Variants in ASRGL1 observed in about 807,000 individuals in gnomAD.
ASRGL1 encodes isoaspartyl peptidase/L-asparaginase.
Under a neutral mutation model 22.4 loss-of-function variants are expected in ASRGL1, and 16 were observed. The observed-to-expected ratio is 0.71, with a 90% CI of 0.48 to 1.08. ASRGL1 has a LOEUF of 1.08. Among genes scored for constraint, ASRGL1 ranks in the 50% least tolerant of loss-of-function variants. ASRGL1 has a pLI of 0.00. For missense variants in ASRGL1, 412 were observed against 410.1 expected (o/e 1.00, Z -0.04); for synonymous variants, 165 against 159.3 (o/e 1.04, Z -0.27).
chr11:62,354,323 T>TGG (rs1946229131), intron 2 of ASRGL1, among the ~76,000 whole-genome samples: 2 of 152,210 alleles, frequency 1.3e-5, no homozygotes, highest in Admixed American at 6.5e-5. Flanking sequence ...CCGTTATCTA[T>TGG]GGGGGATGTG....
In ASRGL1 at chr11:62,366,943, G is replaced by A. The variant is rs183881713; in HGVS notation, c.491+9799G>A. 3.8e-3 allele frequency among the ~76,000 whole-genome samples: 585 copies of A among 152,272 alleles called. 7 individuals carry two copies. Among genetic ancestry groups the A allele is most frequent in the African/African-American group, 0.013 (538 of 41,546 alleles). ...TTTAGGGCCAGGCACGGTGCCTCAC[G>A]CCTGTAATCCCAGCAGCTTGGGAGG... On this transcript the variant is annotated intron_variant, in intron 4 of 6. Transcript: ENST00000415229.
In ASRGL1 at chr11:62,337,907, G is replaced by T. The variant is rs1307938367; in HGVS notation, c.-71G>T. On this transcript the variant is annotated 5_prime_UTR_variant, in exon 2 of 7. Coordinates refer to ENST00000415229, the MANE Select transcript of ASRGL1 (RefSeq NM_001083926.2). Reference sequence around the variant, plus strand: ...CCCCACAGGGTCTCCCGAGGACCTTGTACCCGCGCGGCTTCCTTGGGCTGG... The same window carrying T: ...CCCCACAGGGTCTCCCGAGGACCTTTTACCCGCGCGGCTTCCTTGGGCTGG... The T allele has an allele frequency of 2.7e-6, 4 of 1,506,662 alleles. No homozygotes were observed. Among genetic ancestry groups the T allele is most frequent in the East Asian group, 4.9e-5 (2 of 40,970 alleles). 93.3% of individuals were successfully genotyped at this position (1,506,662 alleles called of 1,614,324 possible). A position where few individuals can be genotyped will look rare whatever the true frequency, so the allele number is the denominator to read the frequency against.
intron 2 of ASRGL1, among the ~76,000 whole-genome samples, chr11:62,347,849 C>G (rs1354740172): frequency 6.6e-6 from 1 of 152,124 alleles, no homozygotes; most frequent in South Asian, 2.1e-4. Flanking sequence ...ATTGCTTGAA[C>G]CCAGGAGGCA....
At chr11:62,397,307 C>A (rs1947442565), downstream of ASRGL1, among the ~76,000 whole-genome samples, 1 of 151,640 alleles carries the variant, frequency 6.6e-6, no homozygotes, top group South Asian at 2.1e-4. Flanking sequence ...GGATTACAGG[C>A]GTGAGCCACC....
At chr11:62,366,624 T>C (rs1245906415) in intron 4 of ASRGL1, among the ~76,000 whole-genome samples, 3 of 151,668 alleles carry the variant, frequency 2.0e-5, no homozygotes, top group African/African-American at 7.2e-5. Flanking sequence ...CATTTTTTCC[T>C]TTGAATTATT....
intron 2 of ASRGL1, among the ~76,000 whole-genome samples, chr11:62,347,236 A>C (rs981270946): frequency 6.6e-6 from 1 of 152,230 alleles, no homozygotes; most frequent in Non-Finnish European, 1.5e-5. Context: ...TATAGTCCTC[A>C]GTAAGATTTC....
At chr11:62,386,157 A>T (rs539411502) in intron 4 of ASRGL1, among the ~76,000 whole-genome samples, 46 of 152,324 alleles carry the variant, frequency 3.0e-4, no homozygotes, top group Admixed American at 2.7e-3. Context: ...GTGAGACTCC[A>T]TCTCAAAAAT....
intron 2 of ASRGL1, among the ~76,000 whole-genome samples, chr11:62,343,128 A>G (rs1004371231): frequency 5.3e-5 from 8 of 152,158 alleles, no homozygotes; most frequent in African/African-American, 1.9e-4. Context: ...CTATAATCCC[A>G]GCACTTTGGG....
At chr11:62,362,891 A>ATTTTTTTTTTT (rs60507577) in intron 4 of ASRGL1, among the ~76,000 whole-genome samples, 4 of 50,366 alleles carry the variant, frequency 7.9e-5, no homozygotes, top group Non-Finnish European at 9.9e-5. Flanking sequence ...AAAGGATTTA[A>ATTTTTTTTTTT]TTTTTTTTTT....
chr11:62,357,076 A>G lies in ASRGL1; in HGVS notation c.423A>G (p.Thr141=). The stretch of plus-strand genomic sequence containing the variant: ...AGATTCCTGGAGAAAAACTGGTGAC[A>G]GAGAGAAACAAAAAGCGCCTGGAAA... The part of the protein sequence containing the change: ...VPEIPGEKLV[T]ERNKKRLEKE... Residue 141 remains threonine, a synonymous_variant, in exon 4 of 7, where the codon ACA becomes ACG. Transcript: ENST00000415229. The G allele has an allele frequency of 6.2e-7, 1 of 1,614,178 alleles. No individual in the cohort carries two copies. The highest frequency in any genetic ancestry group is 8.5e-7 in the Non-Finnish European group (1 of 1,180,030).
At chr11:62,339,656 A>G (rs1027237280) in intron 2 of ASRGL1, among the ~76,000 whole-genome samples, 1 of 152,234 alleles carries the variant, frequency 6.6e-6, no homozygotes, top group Non-Finnish European at 1.5e-5. Context: ...AATGAACATT[A>G]AATGATTCAC....
intron 2 of ASRGL1, among the ~76,000 whole-genome samples, chr11:62,348,924 G>C (rs764657182): frequency 1.3e-5 from 2 of 151,848 alleles, no homozygotes; most frequent in East Asian, 3.9e-4. Flanking sequence ...ATTAGAATCA[G>C]GTTCCTCTTC....
rs143451834 is a variant in ASRGL1, at chr11:62,345,828, G to A, written c.190+7661G>A. 2.8e-3 allele frequency among the ~76,000 whole-genome samples: 425 copies of A among 152,284 alleles called. 2 individuals are homozygous for A. The highest frequency in any genetic ancestry group is 9.7e-3 in the African/African-American group (405 of 41,548). On this transcript the variant is annotated intron_variant, in intron 2 of 6. Transcript: ENST00000415229. ...TTCCACAGAGACTCTCGCAGGCACA[G>A]TTCACAACAGGGTTCACACTCCTAT... is the stretch of plus-strand genomic sequence containing the variant.
Position 62,357,273 on chromosome 11 carries a change from G to T in ASRGL1, c.491+129G>T, listed in dbSNP as rs5017020. The T allele has an allele frequency of 2.3e-3, 1,193 of 518,312 alleles. 14 individuals carry two copies. In the African/African-American group the frequency reaches 0.052, roughly 23 times the overall value. 32.1% of individuals were successfully genotyped at this position (518,312 alleles called of 1,614,324 possible). ...TGTTTTGTTTTGTTTTGTTTGACAC[G>T]GAGTCTCTCTCTGTTGCCCAGACTG... On this transcript the variant is annotated intron_variant, in intron 4 of 6. Coordinates refer to ENST00000415229, the MANE Select transcript of ASRGL1 (RefSeq NM_001083926.2).
At chr11:62,396,032 C>G (rs372507358), downstream of ASRGL1, among the ~76,000 whole-genome samples, 6 of 151,986 alleles carry the variant, frequency 3.9e-5, no homozygotes, top group Admixed American at 2.0e-4. Flanking sequence ...CCTCGGCCCC[C>G]CAAAGTGCTG....
At chr11:62,344,183 A>G (rs1487654602) in intron 2 of ASRGL1, among the ~76,000 whole-genome samples, 1 of 152,116 alleles carries the variant, frequency 6.6e-6, no homozygotes, top group Non-Finnish European at 1.5e-5. Context: ...GGTGTGAGCC[A>G]CTGCGCTTGG....
intron 4 of ASRGL1, among the ~76,000 whole-genome samples, chr11:62,384,654 GC>G (rs1947159303): frequency 6.7e-6 from 1 of 148,206 alleles, no homozygotes; most frequent in African/African-American, 2.5e-5. Flanking sequence ...GGTGGCTTAT[GC>G]CTGTAATCCT....
chr11:62,398,545 A>C, the ASRGL1 span, among the ~76,000 whole-genome samples: 1 of 152,034 alleles, frequency 6.6e-6, no homozygotes, highest in Admixed American at 6.5e-5. Context: ...CGGGGGCTCG[A>C]ACCCCCAAAT....
chr11:62,391,548 A>T lies in ASRGL1; in HGVS notation c.637A>T (p.Ile213Phe), dbSNP rs1333456062. 1.9e-6 allele frequency: 3 copies of T among 1,612,310 alleles called. No homozygotes were observed. The highest frequency in any genetic ancestry group is 2.2e-5 in the South Asian group (2 of 90,578). The part of the protein sequence containing the change: ...LGAGGYADND[I>F]GAVSTTGHGE... ...AGCTGGAGGTTATGCCGACAATGAC[A>T]TCGGAGCCGTCTCAACCACAGGGCA... The change falls in exon 6 of 7, where the codon ATC becomes TTC. Residue 213 changes from isoleucine (I) to phenylalanine (F), a missense_variant. Transcript: ENST00000415229.
Sources: allele counts gnomAD v4.1 joint callset (sites outside exome capture counted in the v4.1 genomes callset), GRCh38; gene constraint gnomAD v4.1.1; transcripts MANE v1.5; gene names NCBI Gene and HGNC (gene_info 2026-07-23, HGNC 2026-07-21).